PMS1: variants seen among roughly 807,000 people sequenced by gnomAD.
The protein encoded by PMS1 is PMS1 homolog 1, mismatch repair system component, also known as PMS1 protein homolog 1.
A neutral mutation model predicts 93.1 loss-of-function variants in PMS1; 79 were observed. The ratio of observed to expected loss-of-function variants is 0.85; its 90% CI spans 0.71 to 1.02. The LOEUF (loss-of-function observed/expected upper bound fraction) is 1.02, where lower values mean the gene tolerates loss of function less well. PMS1 is among the 50% of genes least tolerant of loss of function. PMS1 has a pLI of 0.00. For missense variants in PMS1, 1,064 were observed against 1,085.3 expected (o/e 0.98, Z 0.28); for synonymous variants, 335 against 363.4 (o/e 0.92, Z 0.89).
chr2:189,800,132 A>G (rs2049757940), intron 3 of PMS1, among the ~76,000 whole-genome samples: 1 of 152,252 alleles, frequency 6.6e-6, no homozygotes, highest in South Asian at 2.1e-4. Flanking sequence ...AGTTGATTTC[A>G]GAGGAATTGT....
At chr2:189,826,536 T>C (rs1234052491) in intron 5 of PMS1, among the ~76,000 whole-genome samples, 1 of 151,938 alleles carries the variant, frequency 6.6e-6, no homozygotes, top group Admixed American at 6.6e-5. Flanking sequence ...TAAGGATTAC[T>C]TTTCACCTAA....
chr2:189,877,594 T>C lies in PMS1; in HGVS notation c.*158T>C. On this transcript the variant is annotated 3_prime_UTR_variant, in exon 13 of 13. Transcript: ENST00000441310. ...TTATATTGAAAAAAGTTCCACGTAT[T>C]GTAGAAAACGTAAATAAACTAATAT... The C allele has an allele frequency of 1.7e-6, 1 of 603,522 alleles. No homozygotes were observed. Among genetic ancestry groups the C allele is most frequent in the Non-Finnish European group, 2.9e-6 (1 of 341,468 alleles). The allele number at this position is 603,522 out of a possible 1,614,324, so 37.4% of individuals were successfully genotyped here. A position where few individuals can be genotyped will look rare whatever the true frequency, so the allele number is the denominator to read the frequency against.
chr2:189,792,875 G>A (rs974174692), intron 2 of PMS1, among the ~76,000 whole-genome samples: 6 of 151,450 alleles, frequency 4.0e-5, no homozygotes, highest in East Asian at 1.9e-4. Context: ...GCAATGGCGC[G>A]ATCTCAGCTT....
rs1477299495 is a variant in PMS1, at chr2:189,854,836, A to G, written c.1564A>G (p.Lys522Glu). Residue 522 changes from lysine to glutamate, a missense_variant, in exon 9 of 13, where the codon AAA becomes GAA. Transcript: ENST00000441310. ...IEPVKILVPE[K>E]SLPCKVSNNN... Reference sequence around the variant, plus strand: ...ACCTGTGAAAATTTTAGTGCCTGAAAAAAGTTTACCATGTAAAGTAAGTAA... The same window carrying G: ...ACCTGTGAAAATTTTAGTGCCTGAAGAAAGTTTACCATGTAAAGTAAGTAA... 6.2e-7 allele frequency: 1 copy of G among 1,612,202 alleles called. No individual in the cohort carries two copies. Among genetic ancestry groups the G allele is most frequent in the Non-Finnish European group, 8.5e-7 (1 of 1,178,456 alleles).
intron 5 of PMS1, among the ~76,000 whole-genome samples, chr2:189,842,663 G>A (rs1239429084): frequency 1.3e-5 from 2 of 152,114 alleles, no homozygotes; most frequent in Non-Finnish European, 2.9e-5. Context: ...AAATTACTTT[G>A]GGGAGTGCTC....
intron 5 of PMS1, among the ~76,000 whole-genome samples, chr2:189,819,499 C>T (rs1394900755): frequency 6.6e-6 from 1 of 152,172 alleles, no homozygotes; most frequent in African/African-American, 2.4e-5. Context: ...TTCCCATCAG[C>T]AGTGAGTAAA....
chr2:189,860,749 T>TAAGTCTTA, intron 9 of PMS1, among the ~76,000 whole-genome samples: 1 of 150,400 alleles, frequency 6.6e-6, no homozygotes, highest in Admixed American at 6.7e-5. Flanking sequence ...AAATGTCAGT[T>TAAGTCTTA]AAGTCTTAAG....
chr2:189,867,379 A>G (rs559343956), intron 10 of PMS1, among the ~76,000 whole-genome samples: 1 of 152,346 alleles, frequency 6.6e-6, no homozygotes, highest in South Asian at 2.1e-4. Flanking sequence ...ATTAGTTCCT[A>G]GAAGAAAGAG....
At chr2:189,812,232 C>T (rs571534478) in intron 4 of PMS1, among the ~76,000 whole-genome samples, 179 of 152,054 alleles carry the variant, frequency 1.2e-3, no homozygotes, top group Non-Finnish European at 2.3e-3. Flanking sequence ...ACCCAGGAGG[C>T]GGAGGTTGCA....
chr2:189,839,425 T>G (rs959763403), intron 5 of PMS1, among the ~76,000 whole-genome samples: 1 of 152,240 alleles, frequency 6.6e-6, no homozygotes, highest in Admixed American at 6.5e-5. Context: ...GACTCTACAT[T>G]GCACGTAAGG....
intron 9 of PMS1, among the ~76,000 whole-genome samples, chr2:189,855,354 C>T (rs571923145): frequency 2.3e-4 from 35 of 149,678 alleles, no homozygotes; most frequent in South Asian, 2.3e-3. Context: ...TTTGTTTAAG[C>T]CTTAACTGCT....
At position 189,854,600 on chromosome 2, in the gene PMS1, AT is replaced by A. The variant is rs763044411; in HGVS notation, c.1329del (p.Asn443LysfsTer17). ...KNAFQDISMS[N>X]VSWENSQTEY... is the part of the protein sequence containing the mutation. ...GCATTTCAGGACATTTCAATGAGTA[AT>A]GTATCATGGGAGAACTCTCAGACGG... On this transcript the variant is annotated frameshift_variant, in exon 9 of 13. Transcript: ENST00000441310. LOFTEE classifies it high-confidence loss of function. 5.0e-6 allele frequency: 8 copies of A among 1,613,920 alleles called. No individual in the cohort carries two copies. Among genetic ancestry groups the A allele is most frequent in the Non-Finnish European group, 6.8e-6 (8 of 1,179,862 alleles).
chr2:189,826,811 T>C (rs939847392), intron 5 of PMS1, among the ~76,000 whole-genome samples: 1 of 152,182 alleles, frequency 6.6e-6, no homozygotes, highest in Admixed American at 6.5e-5. Context: ...CCCTTAATAG[T>C]GAGTGCATAG....
At chr2:189,877,249 T>C (rs1394187087) in intron 12 of PMS1, 23 bp from the exon 13 acceptor site, 6 of 1,608,018 alleles carry the variant, frequency 3.7e-6, no homozygotes, top group Non-Finnish European at 5.1e-6. Context: ...CATGGTAAAA[T>C]GTGTGACTTT....
chr2:189,791,475 C>G (rs1386043430), intron 1 of PMS1, among the ~76,000 whole-genome samples: 1 of 152,088 alleles, frequency 6.6e-6, no homozygotes, highest in African/African-American at 2.4e-5. Flanking sequence ...TAAAAATTAG[C>G]CAGGTGTCCT....
rs2055878670 is a variant in PMS1 at position 189,860,768 on chromosome 2, A to G, written c.1857-2975A>G. 2.2e-5 allele frequency among the ~76,000 whole-genome samples: 3 copies of G among 138,268 alleles called. No homozygotes were observed. The Admixed American group carries it at 2.3e-4, about 10-fold the overall frequency. The allele number at this position is 138,268 out of a possible 152,430, so 90.7% of individuals were successfully genotyped here. The stretch of plus-strand genomic sequence containing the variant: ...GTCAGTTAAGTCTTAAGTAGGTGAT[A>G]ATATTGCTAAAATCTTCTATATCTT... On this transcript the variant is annotated intron_variant, in intron 9 of 12. Transcript: ENST00000441310.
At chr2:189,837,605 A>G (rs1054322642) in intron 5 of PMS1, among the ~76,000 whole-genome samples, 8 of 152,226 alleles carry the variant, frequency 5.3e-5, no homozygotes, top group South Asian at 2.1e-4. Flanking sequence ...TCCAGAGTGC[A>G]TGTGCACGCA....
rs199689337 is a variant in PMS1 at position 189,799,168 on chromosome 2, G to T, written c.315+3217G>T. On this transcript the variant is annotated intron_variant, in intron 3 of 12. Coordinates refer to ENST00000441310, the MANE Select transcript of PMS1 (RefSeq NM_000534.5). Reference sequence around the variant, plus strand: ...ATAAATAAAATAATTTTGCTCATCAGAATTACAAAAGAATTGTCAAAGTAT... The same window carrying T: ...ATAAATAAAATAATTTTGCTCATCATAATTACAAAAGAATTGTCAAAGTAT... 2.6e-5 allele frequency among the ~76,000 whole-genome samples: 4 copies of T among 152,132 alleles called. No homozygotes were observed. In the East Asian group the frequency reaches 7.7e-4, roughly 29 times the overall value.
chr2:189,848,837 T>C (rs1356237743), intron 6 of PMS1, among the ~76,000 whole-genome samples: 1 of 152,216 alleles, frequency 6.6e-6, no homozygotes, highest in Non-Finnish European at 1.5e-5. Context: ...TCTGGGCTTA[T>C]ATGGTTGAAG....
Sources: allele counts gnomAD v4.1 joint callset (sites outside exome capture counted in the v4.1 genomes callset), GRCh38; gene constraint gnomAD v4.1.1; transcripts MANE v1.5; gene names NCBI Gene and HGNC (gene_info 2026-07-23, HGNC 2026-07-21).